The following WDPCP variants were observed in gnomAD, a reference collection of about 807,000 sequenced individuals.
The protein encoded by WDPCP is WD repeat containing planar cell polarity effector, also known as WD repeat-containing and planar cell polarity effector protein fritz homolog.
Under a neutral mutation model 93.1 loss-of-function variants are expected in WDPCP, and 71 were observed. The observed-to-expected ratio is 0.76, with a 90% CI of 0.63 to 0.93. WDPCP has a LOEUF of 0.93. WDPCP is among the 40% of genes least tolerant of loss of function. WDPCP has a pLI of 0.00. For missense variants in WDPCP, 844 were observed against 887.4 expected (o/e 0.95, Z 0.62); for synonymous variants, 315 against 315.0 (o/e 1.00, Z 0.00).
At chr2:63,226,947 T>G in intron 14 of WDPCP, among the ~76,000 whole-genome samples, 1 of 151,972 alleles carries the variant, frequency 6.6e-6, no homozygotes, top group Non-Finnish European at 1.5e-5. Flanking sequence ...ACTTAACACA[T>G]GATTTGTTAT....
chr2:63,233,882 G>A (rs1353419492), intron 14 of WDPCP, among the ~76,000 whole-genome samples: 8 of 152,108 alleles, frequency 5.3e-5, no homozygotes, highest in Non-Finnish European at 1.2e-4. Context: ...CTCAGCCAAG[G>A]TTAACTCTGC....
intron 1 of WDPCP, among the ~76,000 whole-genome samples, chr2:63,497,242 G>T (rs140512530): frequency 6.6e-6 from 1 of 152,204 alleles, no homozygotes; most frequent in East Asian, 1.9e-4. Context: ...AGCAGACATG[G>T]GTGGTCAAGG....
At chr2:63,205,312 G>A (rs538307786) in intron 14 of WDPCP, among the ~76,000 whole-genome samples, 4 of 152,142 alleles carry the variant, frequency 2.6e-5, no homozygotes, top group South Asian at 2.1e-4. Context: ...GCTACTCTGC[G>A]TCTCTTGTGG....
intron 12 of WDPCP, among the ~76,000 whole-genome samples, chr2:63,340,392 C>G (rs1350001216): frequency 2.0e-5 from 3 of 152,170 alleles, no homozygotes; most frequent in African/African-American, 7.2e-5. Context: ...GATTTGGCGT[C>G]TCCTTTGGCC....
intron 2 of WDPCP, chr2:63,684,618 C>T (rs1440449718): frequency 5.6e-6 from 4 of 715,196 alleles, no homozygotes; most frequent in Non-Finnish European, 1.0e-5. Context: ...AGAGATCCTG[C>T]TCTTAAACGC....
intron 6 of WDPCP, among the ~76,000 whole-genome samples, chr2:63,446,839 C>G (rs2105593311): frequency 6.6e-6 from 1 of 152,334 alleles, no homozygotes; most frequent in South Asian, 2.1e-4. Context: ...TCATTCTCTG[C>G]TCACCAATCA....
intron 3 of WDPCP, among the ~76,000 whole-genome samples, chr2:63,619,241 G>A (rs139380890): frequency 1.4e-3 from 217 of 152,300 alleles, no homozygotes; most frequent in African/African-American, 5.1e-3. Flanking sequence ...ATATCAGTAT[G>A]TTGGGTCATG....
intron 1 of WDPCP, among the ~76,000 whole-genome samples, chr2:63,536,244 G>T (rs995087041): frequency 6.6e-6 from 1 of 151,540 alleles, no homozygotes; most frequent in African/African-American, 2.4e-5. Flanking sequence ...GAGAAATAAC[G>T]CTTTTACACT....
At chr2:63,398,566 T>C (rs954243319) in intron 10 of WDPCP, among the ~76,000 whole-genome samples, 7 of 152,314 alleles carry the variant, frequency 4.6e-5, no homozygotes, top group African/African-American at 1.7e-4. Context: ...CTTGGAGCAA[T>C]GTTCCTTCAA....
At chr2:63,743,834 T>A (rs1320039174) in intron 2 of WDPCP, among the ~76,000 whole-genome samples, 1 of 152,126 alleles carries the variant, frequency 6.6e-6, no homozygotes, top group African/African-American at 2.4e-5. Context: ...GTTTAAAAAA[T>A]TTATTCATTG....
At chr2:63,314,175 C>T (rs1185309091) in intron 12 of WDPCP, among the ~76,000 whole-genome samples, 2 of 68,308 alleles carry the variant, frequency 2.9e-5, no homozygotes, top group East Asian at 8.2e-4. Flanking sequence ...CTGTGCCTGG[C>T]CCCATCTTCT....
intron 3 of WDPCP, among the ~76,000 whole-genome samples, chr2:63,615,762 G>T (rs1709664712): frequency 6.6e-6 from 1 of 152,196 alleles, no homozygotes; most frequent in South Asian, 2.1e-4. Context: ...GCCATTTCAA[G>T]AGGGGTGTCA....
intron 2 of WDPCP, among the ~76,000 whole-genome samples, chr2:63,704,663 G>C (rs901821883): frequency 3.9e-5 from 6 of 152,246 alleles, no homozygotes; most frequent in African/African-American, 1.4e-4. Flanking sequence ...TGATCATGGT[G>C]GATAAGCTTT....
intron 3 of WDPCP, among the ~76,000 whole-genome samples, chr2:63,638,797 GA>G (rs575796116): frequency 0.038 from 4,386 of 116,546 alleles, 108 homozygotes; most frequent in Non-Finnish European, 0.052. Context: ...TCGAAAAAAA[GA>G]AAAAAAAAAA....
intron 14 of WDPCP, among the ~76,000 whole-genome samples, chr2:63,185,123 A>AT (rs1267689090): frequency 3.3e-5 from 5 of 152,196 alleles, no homozygotes; most frequent in Non-Finnish European, 7.4e-5. Context: ...CATATCCAGA[A>AT]TTAATTTTCT....
chr2:63,596,619 A>C (rs1709316452), intron 3 of WDPCP, among the ~76,000 whole-genome samples: 1 of 152,100 alleles, frequency 6.6e-6, no homozygotes, highest in South Asian at 2.1e-4. Flanking sequence ...TTTTTTCTCC[A>C]ACTGGTGTTC....
chr2:63,471,355 A>G (rs1699679289), intron 6 of WDPCP, among the ~76,000 whole-genome samples: 1 of 152,258 alleles, frequency 6.6e-6, no homozygotes, highest in Non-Finnish European at 1.5e-5. Context: ...GAGAAGTTAT[A>G]ACCCAATTCT....
At chr2:63,195,450 G>A (rs1174138779) in intron 14 of WDPCP, among the ~76,000 whole-genome samples, 1 of 152,108 alleles carries the variant, frequency 6.6e-6, no homozygotes, top group Non-Finnish European at 1.5e-5. Flanking sequence ...GGTTTGAACT[G>A]CATGGGTCCA....
chr2:63,259,725 T>A (rs1681457824), intron 13 of WDPCP, among the ~76,000 whole-genome samples: 1 of 152,228 alleles, frequency 6.6e-6, no homozygotes, highest in South Asian at 2.1e-4. Flanking sequence ...TGGTAAGACA[T>A]TAATATCCAA....
Sources: allele counts gnomAD v4.1 joint callset (sites outside exome capture counted in the v4.1 genomes callset), GRCh38; gene constraint gnomAD v4.1.1; transcripts MANE v1.5; gene names NCBI Gene and HGNC (gene_info 2026-07-23, HGNC 2026-07-21).